Variants in CWC22 observed in about 807,000 individuals in gnomAD.
The protein encoded by CWC22 is CWC22 spliceosome associated protein.
CWC22 carries 53 observed loss-of-function variants against 117.2 expected under a neutral mutation model. That is an observed-to-expected ratio of 0.45 (90% confidence interval 0.36 to 0.57). The LOEUF (loss-of-function observed/expected upper bound fraction) is 0.57, where lower values mean the gene tolerates loss of function less well. CWC22 is among the 20% of genes least tolerant of loss of function. The pLI is 0.00. For missense variants in CWC22, 980 were observed against 1,068.8 expected, an observed-to-expected ratio of 0.92 and a Z score of 1.16; for synonymous variants, 360 against 355.6, an observed-to-expected ratio of 1.01 and a Z score of -0.14.
rs141411069 is a variant in CWC22, at chr2:179,989,241, TATAATA to T, written c.28-603_28-598del. Among the ~76,000 whole-genome samples, 14 of 7,300 alleles carry T rather than the reference TATAATA, an allele frequency of 1.9e-3. No homozygotes were observed. In the East Asian group the frequency reaches 0.28, roughly 145 times the overall value. 4.8% of individuals were successfully genotyped at this position (7,300 alleles called of 152,430 possible). On this transcript the variant is annotated intron_variant, in intron 2 of 19. Transcript: ENST00000410053. ...TATATTTTACTTCTATGTAATAAGT[TATAATA>T]ATAATTATTATTATTATTATTATTT...
At chr2:179,975,085 T>A (rs1385835475) in intron 6 of CWC22, among the ~76,000 whole-genome samples, 1 of 152,288 alleles carries the variant, frequency 6.6e-6, no homozygotes, top group Admixed American at 6.5e-5. Context: ...ATCATAGTCA[T>A]GTAAAATGAC....
intron 14 of CWC22, among the ~76,000 whole-genome samples, chr2:179,955,795 CTTAA>C (rs1400158772): frequency 1.3e-5 from 2 of 151,976 alleles, no homozygotes; most frequent in Middle Eastern, 3.4e-3. Context: ...AAATTAGTTT[CTTAA>C]TTAATATATT....
chr2:179,974,961 C>T (rs546180446), intron 6 of CWC22, among the ~76,000 whole-genome samples: 2 of 152,216 alleles, frequency 1.3e-5, no homozygotes, highest in Admixed American at 6.5e-5. Context: ...GTTGCCCAGG[C>T]AACTCCTGGA....
intron 5 of CWC22, among the ~76,000 whole-genome samples, chr2:179,980,419 ATTTTTT>A (rs34435290): frequency 7.3e-6 from 1 of 136,534 alleles, no homozygotes; most frequent in African/African-American, 2.7e-5. Context: ...GACATTTCTT[ATTTTTT>A]TTTTTTTTTT....
At chr2:179,947,897 A>T (rs1359009567) in intron 19 of CWC22, among the ~76,000 whole-genome samples, 1 of 152,166 alleles carries the variant, frequency 6.6e-6, no homozygotes, top group African/African-American at 2.4e-5. Context: ...ACAAAATGAG[A>T]AATGACATGC....
intron 1 of CWC22, among the ~76,000 whole-genome samples, chr2:179,994,578 C>T (rs1325079511): frequency 2.0e-5 from 3 of 152,038 alleles, no homozygotes; most frequent in Admixed American, 6.6e-5. Context: ...GGGATGTATA[C>T]GAATTACTAA....
chr2:179,995,109 C>A (rs1687668416), intron 1 of CWC22, among the ~76,000 whole-genome samples: 1 of 152,186 alleles, frequency 6.6e-6, no homozygotes, highest in Non-Finnish European at 1.5e-5. Context: ...CAGAGTGAGA[C>A]TTCGTCTCAA....
At chr2:179,976,716 G>A (rs555741178) in intron 6 of CWC22, among the ~76,000 whole-genome samples, 24 of 152,238 alleles carry the variant, frequency 1.6e-4, no homozygotes, top group African/African-American at 5.8e-4. Context: ...TCTCACAACT[G>A]TTACAATGGC....
intron 16 of CWC22, among the ~76,000 whole-genome samples, chr2:179,953,680 T>A (rs746846050): frequency 4.6e-5 from 7 of 152,096 alleles, no homozygotes; most frequent in Non-Finnish European, 8.8e-5. Context: ...CATTTCCCTA[T>A]CAAGAATATA....
intron 14 of CWC22, among the ~76,000 whole-genome samples, chr2:179,956,319 T>C (rs966031555): frequency 2.6e-5 from 4 of 151,480 alleles, no homozygotes; most frequent in African/African-American, 9.7e-5. Flanking sequence ...GCTATTTAAA[T>C]TTAAATTATG....
Position 179,945,666 on chromosome 2 carries a change from T to C in CWC22, c.2190A>G (p.Val730=), listed in dbSNP as rs750676597. The C allele has an allele frequency of 1.2e-6, 2 of 1,609,782 alleles. No individual in the cohort carries two copies. Among genetic ancestry groups the C allele is most frequent in the South Asian group, 1.1e-5 (1 of 90,848 alleles). ...KGHGKTRSKE[V]DKLIRNQQTN... ...TTTGCTGGTTTCTGATCAATTTATCTACCTCTTTACTTCTGGTCTTCCCAT... is the reference window on the plus strand; with the variant it reads ...TTTGCTGGTTTCTGATCAATTTATCCACCTCTTTACTTCTGGTCTTCCCAT... Residue 730 remains valine, a synonymous_variant, in exon 20 of 20, where the codon GTA becomes GTG. Transcript: ENST00000410053.
chr2:180,001,108 T>C (rs1320382597), intron 1 of CWC22, among the ~76,000 whole-genome samples: 1 of 152,212 alleles, frequency 6.6e-6, no homozygotes, highest in East Asian at 1.9e-4. Flanking sequence ...AACATTTCAA[T>C]AAGCTGTCTC....
In CWC22 at chr2:179,950,724, AG is replaced by A. The variant is rs1277730153; in HGVS notation, c.1927del (p.Leu643CysfsTer75). 6.2e-7 allele frequency: 1 copy of A among 1,612,872 alleles called. No homozygotes were observed. The highest frequency in any genetic ancestry group is 8.5e-7 in the Non-Finnish European group (1 of 1,179,122). ...TGGTGTATTTTTGAGATGCTCCCGC[AG>A]TTCATCCCTAATTTAAAATATAATC... ...SIGLGGLTDE[L>X]REHLKNTPKV... On this transcript the variant is annotated frameshift_variant, in exon 19 of 20. Transcript: ENST00000410053. LOFTEE classifies it high-confidence loss of function.
chr2:179,971,068 T>G lies in CWC22; in HGVS notation c.813A>C (p.Glu271Asp), dbSNP rs181417247. The G allele has an allele frequency of 6.4e-7, 1 of 1,561,924 alleles. No homozygotes were observed. Among genetic ancestry groups the G allele is most frequent in the Non-Finnish European group, 8.7e-7 (1 of 1,153,188 alleles). Residue 271 changes from glutamate (E) to aspartate (D), a missense_variant, in exon 9 of 20, where the codon GAA becomes GAC. By Grantham distance (45) the Glu-to-Asp change is conservative (BLOSUM62 2). This residue lies in a region of CWC22 where 559 missense variants were observed against 602.3 expected (regional missense o/e 0.93). Coordinates refer to ENST00000410053, the MANE Select transcript of CWC22 (RefSeq NM_020943.3). ...AAGTGAGCATCTCTAAGCATAATAC[T>G]TCGTGTGCCTTAAATAAAATACATA... ...AHLINQNVAHEVLCLEMLTLL... is the reference protein window; with the variant it reads ...AHLINQNVAHDVLCLEMLTLL...
At chr2:179,988,545 A>T (rs180671947) in intron 3 of CWC22, 32 bp downstream of exon 3, 3 of 1,127,080 alleles carry the variant, frequency 2.7e-6, no homozygotes, top group Non-Finnish European at 3.8e-6. Context: ...ATAAAAATTT[A>T]CATTGCATTC....
At chr2:179,987,567 G>T (rs1484277079) in intron 3 of CWC22, among the ~76,000 whole-genome samples, 1 of 152,020 alleles carries the variant, frequency 6.6e-6, no homozygotes, top group South Asian at 2.1e-4. Flanking sequence ...ATGAATCAGG[G>T]CAATTAACTT....
intron 3 of CWC22, 137 bp downstream of exon 3, chr2:179,988,440 C>A: frequency 1.8e-6 from 1 of 543,124 alleles, no homozygotes; most frequent in Non-Finnish European, 3.3e-6. Context: ...CCTCCTACAG[C>A]CCATTCAAGT....
intron 13 of CWC22, 119 bp downstream of exon 13, chr2:179,964,428 C>G (rs541250885): frequency 4.0e-5 from 23 of 568,730 alleles, no homozygotes; most frequent in South Asian, 3.0e-4. Context: ...GGGAGAGAGT[C>G]TAAGAATGCT....
In CWC22 at chr2:179,945,384, T is replaced by G. The variant is rs1686265223; in HGVS notation, c.2472A>C (p.Gly824=). ...TTTCAGAAAAAGAATTTCTTCTCTC[T>G]CCTCTCTTCTTTTTGGGATCACCAT... ...NKHGDPKKKR[G]ERRNSFSENE... Residue 824 remains glycine, a synonymous_variant, in exon 20 of 20, where the codon GGA becomes GGC. Coordinates refer to ENST00000410053, the MANE Select transcript of CWC22 (RefSeq NM_020943.3). 1.9e-6 allele frequency: 3 copies of G among 1,612,646 alleles called. No individual in the cohort carries two copies. Among genetic ancestry groups the G allele is most frequent in the Non-Finnish European group, 2.5e-6 (3 of 1,179,308 alleles).
Sources: gnomAD v4.1 joint callset for allele counts (sites outside exome capture counted in the v4.1 genomes callset) on GRCh38, gnomAD v4.1.1 for gene constraint, gnomAD v4.1.1 regional missense constraint, MANE v1.5 for transcripts, NCBI Gene and HGNC (gene_info 2026-07-23, HGNC 2026-07-21) for gene names.